Variants in PRKCA observed in about 807,000 individuals in gnomAD.
PRKCA encodes protein kinase C alpha type.
PRKCA carries 27 observed loss-of-function variants against 87.0 expected under a neutral mutation model. The observed-to-expected ratio is 0.31, with a 90% confidence interval of 0.23 to 0.43. The LOEUF is 0.43. PRKCA is among the 20% of genes least tolerant of loss of function. The probability of loss-of-function intolerance (pLI) is 1.00; values close to 1 mark genes in which losing one functional copy is unlikely to be tolerated. For missense variants in PRKCA, 518 were observed against 852.3 expected, an observed-to-expected ratio of 0.61 and a Z score of 4.88; for synonymous variants, 329 against 311.1, an observed-to-expected ratio of 1.06 and a Z score of -0.61.
intron 13 of PRKCA, among the ~76,000 whole-genome samples, chr17:66,772,754 C>T (rs1974967397): frequency 6.6e-6 from 1 of 152,174 alleles, no homozygotes; most frequent in Non-Finnish European, 1.5e-5. Flanking sequence ...TATTCTAGTA[C>T]TTCTGATAGC....
intron 3 of PRKCA, among the ~76,000 whole-genome samples, chr17:66,530,379 T>C (rs1567878978): frequency 6.6e-6 from 1 of 152,228 alleles, no homozygotes; most frequent in Non-Finnish European, 1.5e-5. Flanking sequence ...CTCTCAGTTT[T>C]TAAGGTTCTC....
chr17:66,669,214 T>C (rs1302678915), intron 5 of PRKCA, among the ~76,000 whole-genome samples: 1 of 152,056 alleles, frequency 6.6e-6, no homozygotes, highest in Non-Finnish European at 1.5e-5. Flanking sequence ...TAGTGGGCTA[T>C]ATAAAGAGAC....
At chr17:66,700,697 G>A (rs1442976237) in intron 8 of PRKCA, among the ~76,000 whole-genome samples, 1 of 152,156 alleles carries the variant, frequency 6.6e-6, no homozygotes, top group Non-Finnish European at 1.5e-5. Context: ...TGTGTTTACA[G>A]TAGCATCAAA....
At chr17:66,305,441 C>T (rs1049889653) in intron 1 of PRKCA, among the ~76,000 whole-genome samples, 6 of 152,214 alleles carry the variant, frequency 3.9e-5, no homozygotes, top group Non-Finnish European at 8.8e-5. Context: ...TCAGGGTTCT[C>T]TGCTTACAGA....
At chr17:66,385,243 A>G (rs12603642) in intron 2 of PRKCA, among the ~76,000 whole-genome samples, 14,127 of 152,228 alleles carry the variant, frequency 0.093, 750 homozygotes, top group African/African-American at 0.13. Context: ...TCAGCCCATC[A>G]ACCTAGAGTT....
chr17:66,537,648 C>A (rs1422655790), intron 3 of PRKCA, among the ~76,000 whole-genome samples: 1 of 152,166 alleles, frequency 6.6e-6, no homozygotes, highest in Non-Finnish European at 1.5e-5. Flanking sequence ...TTGTCATCTT[C>A]CCATCTCATC....
At chr17:66,648,112 A>G (rs1441859247) in intron 5 of PRKCA, among the ~76,000 whole-genome samples, 1 of 152,200 alleles carries the variant, frequency 6.6e-6, no homozygotes, top group Non-Finnish European at 1.5e-5. Flanking sequence ...GGCACTTCTC[A>G]CTGTGTCCTC....
intron 3 of PRKCA, among the ~76,000 whole-genome samples, chr17:66,627,335 T>G (rs1436191940): frequency 1.3e-5 from 2 of 152,140 alleles, no homozygotes. Context: ...ATGAGTACTA[T>G]TTTGGTCATT....
chr17:66,446,946 C>T, intron 2 of PRKCA, among the ~76,000 whole-genome samples: 1 of 152,274 alleles, frequency 6.6e-6, no homozygotes, highest in Admixed American at 6.5e-5. Context: ...TGCTTTTTGT[C>T]ACCCAGCGAT....
intron 3 of PRKCA, among the ~76,000 whole-genome samples, chr17:66,543,544 G>C (rs1968055529): frequency 6.6e-6 from 1 of 152,004 alleles, no homozygotes; most frequent in Non-Finnish European, 1.5e-5. Context: ...TTATATATTT[G>C]AACTATAAGG....
intron 3 of PRKCA, among the ~76,000 whole-genome samples, chr17:66,508,439 A>C (rs1229703763): frequency 3.3e-5 from 5 of 152,174 alleles, no homozygotes; most frequent in Admixed American, 2.6e-4. Flanking sequence ...CTTTGTGTGG[A>C]AAGAGCACTC....
At chr17:66,450,987 C>A (rs1914283421) in intron 2 of PRKCA, among the ~76,000 whole-genome samples, 1 of 152,228 alleles carries the variant, frequency 6.6e-6, no homozygotes, top group African/African-American at 2.4e-5. Flanking sequence ...GGGTCTCACT[C>A]TGTCTCTCTG....
At chr17:66,679,822 C>T (rs1419064385) in intron 5 of PRKCA, among the ~76,000 whole-genome samples, 1 of 152,190 alleles carries the variant, frequency 6.6e-6, no homozygotes, top group African/African-American at 2.4e-5. Context: ...GAGTTTTGTA[C>T]AGTCAGAAGC....
intron 14 of PRKCA, chr17:66,778,296 G>T (rs376942644): frequency 1.2e-6 from 1 of 810,776 alleles, no homozygotes; most frequent in African/African-American, 1.9e-5. Context: ...GGCGGATCAC[G>T]AGGTCAGGAG....
intron 3 of PRKCA, among the ~76,000 whole-genome samples, chr17:66,624,568 A>C (rs1183200357): frequency 6.6e-6 from 1 of 152,142 alleles, no homozygotes; most frequent in African/African-American, 2.4e-5. Flanking sequence ...TGGGAGGCCA[A>C]GGTGGGTGGA....
intron 2 of PRKCA, among the ~76,000 whole-genome samples, chr17:66,327,201 C>T (rs1194122190): frequency 2.0e-5 from 3 of 151,716 alleles, no homozygotes; most frequent in Non-Finnish European, 4.4e-5. Flanking sequence ...CCCGTCTCTA[C>T]TAAAAAATAC....
At chr17:66,793,111 G>A (rs958050983) in intron 16 of PRKCA, among the ~76,000 whole-genome samples, 2 of 152,202 alleles carry the variant, frequency 1.3e-5, no homozygotes, top group Non-Finnish European at 2.9e-5. Context: ...TCCTCTTTAT[G>A]AGCAAAACAC....
chr17:66,732,891 C>T (rs1973938265), intron 9 of PRKCA, 66 bp downstream of exon 9: 3 of 1,563,984 alleles, frequency 1.9e-6, no homozygotes, highest in Non-Finnish European at 1.7e-6. Context: ...GTTTTGTTCT[C>T]CTCGTAGTTT....
Position 66,489,125 on chromosome 17 carries a change from C to T in PRKCA, c.206-7076C>T, listed in dbSNP as rs1237388478. On this transcript the variant is annotated intron_variant, in intron 2 of 16. Transcript: ENST00000413366. ...AAAGAATTCAAGGAAGCTCAGCTACCAGTCTTCTCTTCTAAGCAAAGTCTA... is the reference window on the plus strand; with the variant it reads ...AAAGAATTCAAGGAAGCTCAGCTACTAGTCTTCTCTTCTAAGCAAAGTCTA... Among the ~76,000 whole-genome samples the T allele has an allele frequency of 2.0e-5, 3 of 151,976 alleles. No individual in the cohort carries two copies. The East Asian group carries it at 5.8e-4, about 29-fold the overall frequency.
Sources: gnomAD v4.1 joint callset for allele counts (sites outside exome capture counted in the v4.1 genomes callset) on GRCh38, gnomAD v4.1.1 for gene constraint, MANE v1.5 for transcripts, NCBI Gene and HGNC (gene_info 2026-07-23, HGNC 2026-07-21) for gene names.